Variants in C12orf42 observed in about 807,000 individuals in gnomAD.
C12orf42 encodes the protein chromosome 12 open reading frame 42.
Under a neutral mutation model 21.6 loss-of-function variants are expected in C12orf42, and 25 were observed. That is an observed-to-expected ratio of 1.16 (90% CI 0.84 to 1.62). The LOEUF (loss-of-function observed/expected upper bound fraction) is 1.62. Ranked by LOEUF, C12orf42 falls within the 40% of genes most tolerant of loss-of-function variation. The probability of loss-of-function intolerance (pLI) is 0.00; values close to 1 mark genes in which losing one functional copy is unlikely to be tolerated. For synonymous variants in C12orf42, 174 were observed against 175.0 expected (o/e 0.99, Z 0.05); for missense variants, 483 against 459.3 (o/e 1.05, Z -0.47).
chr12:103,141,162 A>G, the C12orf42 span, among the ~76,000 whole-genome samples: 1 of 152,200 alleles, frequency 6.6e-6, no homozygotes. Context: ...AGTTTTTAGC[A>G]GTGACCTATA....
At chr12:103,126,784 A>C in the C12orf42 span, among the ~76,000 whole-genome samples, 1 of 152,218 alleles carries the variant, frequency 6.6e-6, no homozygotes, top group Non-Finnish European at 1.5e-5. Context: ...AATATAAAAT[A>C]ACTGAATAGT....
At chr12:103,435,959 C>T (rs1950669066) in intron 2 of C12orf42, among the ~76,000 whole-genome samples, 3 of 149,076 alleles carry the variant, frequency 2.0e-5, no homozygotes. Flanking sequence ...TCAGATTCAC[C>T]AAAGTTGAAA....
the C12orf42 span, among the ~76,000 whole-genome samples, chr12:103,085,589 G>A: frequency 3.3e-5 from 5 of 150,044 alleles, no homozygotes; most frequent in African/African-American, 9.8e-5. Flanking sequence ...GACCTCCTCC[G>A]CTCAAATTAA....
intron 10 of C12orf42, among the ~76,000 whole-genome samples, chr12:103,249,838 A>C (rs1420849484): frequency 1.3e-5 from 2 of 152,058 alleles, no homozygotes; most frequent in African/African-American, 4.8e-5. Flanking sequence ...TGAGCAAACC[A>C]GTCAATCCTT....
intron 10 of C12orf42, among the ~76,000 whole-genome samples, chr12:103,243,564 A>G (rs948877777): frequency 2.5e-4 from 38 of 152,048 alleles, no homozygotes; most frequent in African/African-American, 9.2e-4. Context: ...TGTCTTTTGC[A>G]TTTTCCTGAA....
upstream of C12orf42, among the ~76,000 whole-genome samples, chr12:103,500,357 T>C (rs943721986): frequency 5.9e-5 from 9 of 152,230 alleles, no homozygotes; most frequent in African/African-American, 1.7e-4. Context: ...CTTTCTCAAA[T>C]GTAAGCATTG....
intron 3 of C12orf42, among the ~76,000 whole-genome samples, chr12:103,385,658 T>C (rs1291662869): frequency 6.6e-6 from 1 of 152,222 alleles, no homozygotes; most frequent in Non-Finnish European, 1.5e-5. Flanking sequence ...CTGAGAATGA[T>C]CCATTTTTGT....
the C12orf42 span, among the ~76,000 whole-genome samples, chr12:103,206,525 C>CTATT: frequency 1.4e-5 from 2 of 142,500 alleles, no homozygotes; most frequent in East Asian, 2.1e-4. Context: ...CTATATTACA[C>CTATT]ACACACACAC....
At chr12:103,061,646 AT>A in the C12orf42 span, among the ~76,000 whole-genome samples, 3 of 151,838 alleles carry the variant, frequency 2.0e-5, no homozygotes, top group African/African-American at 7.2e-5. Flanking sequence ...ATCTTTAATA[AT>A]TTTTTTGTTA....
chr12:103,181,170 G>A, the C12orf42 span, among the ~76,000 whole-genome samples: 1 of 151,912 alleles, frequency 6.6e-6, no homozygotes, highest in South Asian at 2.1e-4. Context: ...GCTGAGGCAG[G>A]AGAATCATTT....
chr12:103,163,502 T>A, the C12orf42 span, among the ~76,000 whole-genome samples: 1 of 152,158 alleles, frequency 6.6e-6, no homozygotes, highest in South Asian at 2.1e-4. Context: ...GGCAGTGAGC[T>A]CAGAAAGAGA....
the C12orf42 span, among the ~76,000 whole-genome samples, chr12:103,528,589 C>G: frequency 7.2e-5 from 11 of 152,206 alleles, no homozygotes; most frequent in African/African-American, 2.7e-4. Flanking sequence ...AACCCCTCCT[C>G]TCTCTTGCCT....
At chr12:103,148,009 A>G in the C12orf42 span, among the ~76,000 whole-genome samples, 1 of 152,176 alleles carries the variant, frequency 6.6e-6, no homozygotes. Flanking sequence ...TATTAGTCAT[A>G]CAGAAGAGAA....
In C12orf42 at chr12:103,410,383, G is replaced by C. The variant is rs534149465; in HGVS notation, c.79-8708C>G. Among the ~76,000 whole-genome samples, 22 of 152,324 alleles carry C rather than the reference G, an allele frequency of 1.4e-4. 1 individual carries two copies. In the East Asian group the frequency reaches 4.2e-3, roughly 29 times the overall value. On this transcript the variant is annotated intron_variant, in intron 2 of 5. Coordinates refer to ENST00000548883, the MANE Select transcript of C12orf42 (RefSeq NM_198521.5). Reference sequence around the variant, plus strand: ...CTGAAAAAGAAGCAAAAATATTTGTGTGATCATCTGTGAGTCAAGACCCTT... The same window carrying C: ...CTGAAAAAGAAGCAAAAATATTTGTCTGATCATCTGTGAGTCAAGACCCTT...
the C12orf42 span, among the ~76,000 whole-genome samples, chr12:103,530,928 T>C: frequency 1.4e-4 from 21 of 152,286 alleles, no homozygotes; most frequent in Admixed American, 4.6e-4. Flanking sequence ...AGGGAACTGC[T>C]GACCATGAAA....
the C12orf42 span, among the ~76,000 whole-genome samples, chr12:103,210,923 C>A: frequency 6.6e-6 from 1 of 152,014 alleles, no homozygotes; most frequent in East Asian, 1.9e-4. Flanking sequence ...CCCAGGAGTT[C>A]GAGTAGGCAG....
chr12:103,350,856 G>T (rs2043046151), intron 4 of C12orf42, among the ~76,000 whole-genome samples: 1 of 152,096 alleles, frequency 6.6e-6, no homozygotes. Flanking sequence ...CAAAAAGAGA[G>T]AAGTGAGGAA....
At chr12:103,217,290 C>T in the C12orf42 span, among the ~76,000 whole-genome samples, 12 of 152,062 alleles carry the variant, frequency 7.9e-5, no homozygotes, top group East Asian at 1.9e-4. Context: ...GAGGCCGAGG[C>T]GAGAGAATCA....
chr12:103,514,709 A>G, the C12orf42 span, among the ~76,000 whole-genome samples: 1 of 152,242 alleles, frequency 6.6e-6, no homozygotes, highest in Non-Finnish European at 1.5e-5. Context: ...GGCAAGAACC[A>G]AAGCTGAGAG....
Sources: allele counts gnomAD v4.1 joint callset (sites outside exome capture counted in the v4.1 genomes callset), GRCh38; gene constraint gnomAD v4.1.1; transcripts MANE v1.5; gene names NCBI Gene and HGNC (gene_info 2026-07-23, HGNC 2026-07-21).